Variants in CDH13 observed in about 807,000 individuals in gnomAD.
CDH13 encodes cadherin 13, also known as cadherin-13.
A neutral mutation model predicts 63.8 loss-of-function variants in CDH13; 24 were observed. That is an observed-to-expected ratio of 0.38 (90% CI 0.27 to 0.53). CDH13 has a LOEUF of 0.53. Among genes scored for constraint, CDH13 ranks in the 20% least tolerant of loss-of-function variants. CDH13 has a pLI of 0.85. For synonymous variants in CDH13, 503 were observed against 355.3 expected (o/e 1.42, Z -4.67); for missense variants, 1,049 against 903.1 (o/e 1.16, Z -2.07).
At chr16:82,785,394 T>G (rs917203776) in intron 1 of CDH13, among the ~76,000 whole-genome samples, 4 of 152,178 alleles carry the variant, frequency 2.6e-5, no homozygotes, top group African/African-American at 9.7e-5. Flanking sequence ...ATGCAGCTCT[T>G]TAAAATGGAT....
At chr16:83,623,812 C>T (rs534735319) in intron 8 of CDH13, among the ~76,000 whole-genome samples, 15 of 152,310 alleles carry the variant, frequency 9.8e-5, no homozygotes, top group Admixed American at 4.6e-4. Context: ...GGTCAAAATA[C>T]CTCTTTTCCT....
chr16:83,461,960 C>G (rs2073193017), intron 6 of CDH13, among the ~76,000 whole-genome samples: 1 of 152,238 alleles, frequency 6.6e-6, no homozygotes, highest in South Asian at 2.1e-4. Flanking sequence ...AGGCTGTACA[C>G]CTCCCTGTCC....
intron 7 of CDH13, among the ~76,000 whole-genome samples, chr16:83,501,143 C>G (rs1419721644): frequency 6.6e-6 from 1 of 152,204 alleles, no homozygotes; most frequent in Admixed American, 6.5e-5. Context: ...TTTATCTTTG[C>G]TTCCACAAAT....
rs543286837 is a variant in CDH13 at position 82,703,650 on chromosome 16, A to G, written c.45+76513A>G. On this transcript the variant is annotated intron_variant, in intron 1 of 13. Transcript: ENST00000567109. ...ACATTCGAGAACTAATTCCAATAAT[A>G]CGCTACTTAAGACAAGGGAGAATGG... Among the ~76,000 whole-genome samples, 4 of 152,198 alleles carry G rather than the reference A, an allele frequency of 2.6e-5. No individual in the cohort carries two copies. The South Asian group carries it at 8.3e-4, about 32-fold the overall frequency.
At chr16:83,201,236 G>A (rs781436713) in intron 4 of CDH13, among the ~76,000 whole-genome samples, 10 of 152,056 alleles carry the variant, frequency 6.6e-5, no homozygotes, top group Admixed American at 1.3e-4. Flanking sequence ...TATGGACCAT[G>A]CACTGTTCAC....
chr16:82,983,690 G>C (rs1346263111), intron 2 of CDH13, among the ~76,000 whole-genome samples: 2 of 152,212 alleles, frequency 1.3e-5, no homozygotes, highest in African/African-American at 4.8e-5. Flanking sequence ...GAACAGTTCA[G>C]GGGTGTGTGT....
chr16:82,891,307 G>A (rs988832383), intron 2 of CDH13, among the ~76,000 whole-genome samples: 2 of 152,074 alleles, frequency 1.3e-5, no homozygotes, highest in Non-Finnish European at 2.9e-5. Flanking sequence ...CAGATTTCGT[G>A]GAACCCAGGA....
At chr16:83,018,901 C>T (rs921782528) in intron 2 of CDH13, among the ~76,000 whole-genome samples, 10 of 152,144 alleles carry the variant, frequency 6.6e-5, no homozygotes, top group Non-Finnish European at 1.2e-4. Flanking sequence ...AAAATTGGCA[C>T]ACCTGTATAG....
chr16:83,489,437 G>A (rs745421128), intron 7 of CDH13, among the ~76,000 whole-genome samples: 12 of 152,152 alleles, frequency 7.9e-5, no homozygotes, highest in Admixed American at 2.0e-4. Flanking sequence ...GTTCATTGCT[G>A]ATCCAGGCAA....
At chr16:83,216,588 AATATATAATACATAGGGGTTTAAT>A (rs974147177) in intron 4 of CDH13, among the ~76,000 whole-genome samples, 16 of 143,622 alleles carry the variant, frequency 1.1e-4, no homozygotes, top group Admixed American at 2.9e-4. Flanking sequence ...TATATATATT[AATATATAATACATAGGGGTTTAAT>A]ATATATAATA....
intron 4 of CDH13, among the ~76,000 whole-genome samples, chr16:83,202,426 G>C (rs2039058394): frequency 6.6e-6 from 1 of 152,128 alleles, no homozygotes; most frequent in Non-Finnish European, 1.5e-5. Context: ...GGGGGCCCTG[G>C]AAAGATTTTA....
chr16:83,177,681 C>G (rs1051592495), intron 4 of CDH13, among the ~76,000 whole-genome samples: 1 of 152,170 alleles, frequency 6.6e-6, no homozygotes, highest in Admixed American at 6.5e-5. Flanking sequence ...ATAAGCCTGT[C>G]AAGACCCACG....
intron 5 of CDH13, among the ~76,000 whole-genome samples, chr16:83,328,665 T>C (rs1035734341): frequency 1.3e-5 from 2 of 152,054 alleles, no homozygotes; most frequent in African/African-American, 4.8e-5. Context: ...GTTCAGGTTG[T>C]AGTTTGAAGA....
rs61075767 is a variant in CDH13, at chr16:83,734,727, TATA to T, written c.1539-13355_1539-13353del. ...TGCACATGTACCTTAAAACTTAAAG[TATA>T]ATAATAATAATAATAATAATAATAA... On this transcript the variant is annotated intron_variant, in intron 10 of 13. Transcript: ENST00000567109. Among the ~76,000 whole-genome samples the T allele has an allele frequency of 2.5e-3, 358 of 141,858 alleles. 3 individuals are homozygous for T. Among genetic ancestry groups the T allele is most frequent in the African/African-American group, 8.1e-3 (314 of 38,920 alleles). The allele number at this position is 141,858 out of a possible 152,430, so 93.1% of individuals were successfully genotyped here. A position where few individuals can be genotyped will look rare whatever the true frequency, so the allele number is the denominator to read the frequency against.
chr16:82,821,385 C>T (rs1368587224), intron 1 of CDH13, among the ~76,000 whole-genome samples: 2 of 152,174 alleles, frequency 1.3e-5, no homozygotes, highest in African/African-American at 4.8e-5. Flanking sequence ...AGGCAGATAA[C>T]TGAATTTCCC....
rs560554033 is a variant in CDH13, at chr16:82,815,652, TC to T, written c.46-42709del. On this transcript the variant is annotated intron_variant, in intron 1 of 13. Transcript: ENST00000567109. ...GGTGGATGCTGCTTCGTTTGTAGTT[TC>T]TTTTCTTTTCCAGTCTCCACAGGGC... Among the ~76,000 whole-genome samples the T allele has an allele frequency of 1.1e-3, 173 of 152,314 alleles. 4 individuals are homozygous for T. Among genetic ancestry groups the T allele is most frequent in the Non-Finnish European group, 1.1e-3 (74 of 68,018 alleles).
At chr16:83,297,466 C>A (rs767395827) in intron 5 of CDH13, among the ~76,000 whole-genome samples, 2 of 152,058 alleles carry the variant, frequency 1.3e-5, no homozygotes, top group Non-Finnish European at 2.9e-5. Flanking sequence ...CTGAGTGGGA[C>A]GCAAGTGAAT....
intron 5 of CDH13, among the ~76,000 whole-genome samples, chr16:83,222,835 A>G (rs77732953): frequency 7.6e-4 from 116 of 152,242 alleles, no homozygotes; most frequent in Non-Finnish European, 1.4e-3. Context: ...TGCTACAGGA[A>G]ATACCCACAT....
At chr16:83,102,491 G>C (rs2034529712) in intron 3 of CDH13, among the ~76,000 whole-genome samples, 1 of 152,156 alleles carries the variant, frequency 6.6e-6, no homozygotes, top group Non-Finnish European at 1.5e-5. Context: ...TGCAGTAACA[G>C]GGGCAGAGTG....
Sources: gnomAD v4.1 joint callset for allele counts (sites outside exome capture counted in the v4.1 genomes callset) on GRCh38, gnomAD v4.1.1 for gene constraint, MANE v1.5 for transcripts, NCBI Gene and HGNC (gene_info 2026-07-23, HGNC 2026-07-21) for gene names.